Variants in EPB41L4A observed in about 807,000 individuals in gnomAD.
The protein encoded by EPB41L4A is erythrocyte membrane protein band 4.1 like 4A, also known as band 4.1-like protein 4A.
EPB41L4A carries 100 observed loss-of-function variants against 108.6 expected under a neutral mutation model. The ratio of observed to expected loss-of-function variants is 0.92; its 90% CI spans 0.78 to 1.09. The LOEUF is 1.09. Ranked by LOEUF, EPB41L4A falls within the 50% of genes least tolerant of loss-of-function variation. EPB41L4A has a pLI of 0.00. For missense variants in EPB41L4A, 1,030 were observed against 842.7 expected, an observed-to-expected ratio of 1.22 and a Z score of -2.75; for synonymous variants, 319 against 289.0, an observed-to-expected ratio of 1.10 and a Z score of -1.05.
intron 9 of EPB41L4A, among the ~76,000 whole-genome samples, chr5:112,243,289 A>AT (rs769792706): frequency 9.4e-4 from 70 of 74,298 alleles, no homozygotes; most frequent in Non-Finnish European, 2.1e-3. Context: ...ATATATATAT[A>AT]TATTTTGTTT....
chr5:112,403,595 A>G (rs909311936), intron 1 of EPB41L4A, among the ~76,000 whole-genome samples: 1 of 152,102 alleles, frequency 6.6e-6, no homozygotes, highest in African/African-American at 2.4e-5. Context: ...CAGCCTACAG[A>G]GTAGCTAGGA....
rs1170319104 is a variant in EPB41L4A, at chr5:112,266,337, G to A, written c.336-7C>T. ...CTGCAAGAAAAACTGATATCTAAAAGAGAAACAAAAAGAGAGATTAACGAT... is the reference window on the plus strand; with the variant it reads ...CTGCAAGAAAAACTGATATCTAAAAAAGAAACAAAAAGAGAGATTAACGAT... On this transcript the variant is annotated splice_polypyrimidine_tract_variant and splice_region_variant and intron_variant, in intron 4 of 22. Transcript: ENST00000261486. 4.4e-6 allele frequency: 7 copies of A among 1,578,294 alleles called. No individual in the cohort carries two copies. Among genetic ancestry groups the A allele is most frequent in the Admixed American group, 1.8e-5 (1 of 54,748 alleles).
chr5:112,276,846 C>T (rs1752658189), intron 3 of EPB41L4A, among the ~76,000 whole-genome samples: 1 of 152,090 alleles, frequency 6.6e-6, no homozygotes, highest in African/African-American at 2.4e-5. Context: ...TGTGGGAGAC[C>T]ATCAAGATGA....
At chr5:112,396,278 A>T (rs1448659378) in intron 1 of EPB41L4A, among the ~76,000 whole-genome samples, 1 of 151,986 alleles carries the variant, frequency 6.6e-6, no homozygotes, top group African/African-American at 2.4e-5. Flanking sequence ...GAAAAAGAAA[A>T]CCATTTCACT....
At chr5:112,408,496 C>CAA (rs1302942470) in intron 1 of EPB41L4A, among the ~76,000 whole-genome samples, 9 of 151,622 alleles carry the variant, frequency 5.9e-5, no homozygotes, top group Non-Finnish European at 8.8e-5. Flanking sequence ...TTCTTATACT[C>CAA]AAAAAGACAA....
At chr5:112,281,351 C>T (rs1224275361) in intron 2 of EPB41L4A, among the ~76,000 whole-genome samples, 1 of 152,146 alleles carries the variant, frequency 6.6e-6, no homozygotes, top group African/African-American at 2.4e-5. Flanking sequence ...GTAGAATTAT[C>T]GAAGGAAAGA....
chr5:112,390,549 C>A (rs1221795880), intron 1 of EPB41L4A, among the ~76,000 whole-genome samples: 4 of 152,178 alleles, frequency 2.6e-5, no homozygotes, highest in Admixed American at 1.3e-4. Flanking sequence ...CCCAGAAACT[C>A]AAACTGGGTG....
chr5:112,241,923 G>C (rs1367678280), intron 9 of EPB41L4A, among the ~76,000 whole-genome samples: 1 of 152,108 alleles, frequency 6.6e-6, no homozygotes, highest in Non-Finnish European at 1.5e-5. Context: ...GTATATAACA[G>C]CATTAGGTCT....
At chr5:112,338,470 T>C (rs1470889674) in intron 1 of EPB41L4A, among the ~76,000 whole-genome samples, 1 of 152,156 alleles carries the variant, frequency 6.6e-6, no homozygotes, top group Non-Finnish European at 1.5e-5. Context: ...TACATGGTCA[T>C]ACCAGGTCGC....
chr5:112,149,664 C>T (rs1328573186), intron 12 of EPB41L4A, among the ~76,000 whole-genome samples: 1 of 152,094 alleles, frequency 6.6e-6, no homozygotes, highest in Non-Finnish European at 1.5e-5. Flanking sequence ...TGCAATATGG[C>T]AGTAGAGCTA....
chr5:112,375,406 G>A (rs1759757064), intron 1 of EPB41L4A, among the ~76,000 whole-genome samples: 1 of 150,526 alleles, frequency 6.6e-6, no homozygotes, highest in African/African-American at 2.5e-5. Context: ...AAGTTTACAT[G>A]AGATCCAGAG....
intron 2 of EPB41L4A, among the ~76,000 whole-genome samples, chr5:112,290,290 C>T (rs552457880): frequency 6.6e-6 from 1 of 152,210 alleles, no homozygotes; most frequent in Non-Finnish European, 1.5e-5. Context: ...TTCTAGGGAC[C>T]TACTATTATA....
At chr5:112,240,902 C>A in intron 9 of EPB41L4A, 92 bp from the exon 10 acceptor site, 2 of 688,996 alleles carry the variant, frequency 2.9e-6, no homozygotes, top group South Asian at 4.0e-5. Context: ...AACAAAAATT[C>A]AAGCAGAGAG....
intron 9 of EPB41L4A, among the ~76,000 whole-genome samples, chr5:112,244,926 C>T (rs1230843706): frequency 1.3e-5 from 2 of 151,954 alleles, no homozygotes; most frequent in Admixed American, 6.6e-5. Context: ...ATCATTATAA[C>T]GTATGTAATA....
At position 112,303,475 on chromosome 5, in the gene EPB41L4A, T is replaced by A. The variant is rs140481857; in HGVS notation, c.204+3911A>T. Among the ~76,000 whole-genome samples, 12 of 152,138 alleles carry A rather than the reference T, an allele frequency of 7.9e-5. No homozygotes were observed. In the East Asian group the frequency reaches 2.3e-3, roughly 29 times the overall value. Reference sequence around the variant, plus strand: ...GAACAGAGTTAGAGCCTAAGAGAACTAAGGACAAAATCCTGGTGAACACCA... The same window carrying A: ...GAACAGAGTTAGAGCCTAAGAGAACAAAGGACAAAATCCTGGTGAACACCA... On this transcript the variant is annotated intron_variant, in intron 2 of 22. Transcript: ENST00000261486.
At chr5:112,279,114 A>T (rs1172790991) in intron 3 of EPB41L4A, among the ~76,000 whole-genome samples, 1 of 151,436 alleles carries the variant, frequency 6.6e-6, no homozygotes. Context: ...CTGGTTTTCC[A>T]ACTGGTATTT....
Position 112,418,964 on chromosome 5 carries a change from T to C in EPB41L4A, c.76A>G (p.Thr26Ala). ...ACCTTGATGCCCTGCTGCTGGGTGG[T>C]AAGGGTTAACTTGGATTCATCCAGG... The part of the protein sequence containing the change: ...LLLDESKLTL[T>A]TQQQGIKKST... The change falls in exon 1 of 23, where the codon ACC (threonine) becomes GCC (alanine). Residue 26 changes from threonine (T) to alanine (A), a missense_variant. Transcript: ENST00000261486. The C allele has an allele frequency of 6.2e-7, 1 of 1,613,016 alleles. No homozygotes were observed. The highest frequency in any genetic ancestry group is 8.5e-7 in the Non-Finnish European group (1 of 1,179,530).
At chr5:112,343,046 C>T (rs999243) in intron 1 of EPB41L4A, among the ~76,000 whole-genome samples, 10,597 of 152,190 alleles carry the variant, frequency 0.07, 1,023 homozygotes, top group African/African-American at 0.22. Flanking sequence ...CATTTGGAAG[C>T]AACTAGCATA....
intron 2 of EPB41L4A, among the ~76,000 whole-genome samples, chr5:112,299,043 C>A (rs554094029): frequency 6.6e-6 from 1 of 152,250 alleles, no homozygotes; most frequent in Non-Finnish European, 1.5e-5. Context: ...CTCTTCTTTT[C>A]TTGGTTAATC....
Sources: gnomAD v4.1 joint callset for allele counts (sites outside exome capture counted in the v4.1 genomes callset) on GRCh38, gnomAD v4.1.1 for gene constraint, MANE v1.5 for transcripts, NCBI Gene and HGNC (gene_info 2026-07-23, HGNC 2026-07-21) for gene names.